The following NEDD4L variants were observed in gnomAD, a reference collection of about 807,000 sequenced individuals.
NEDD4L encodes E3 ubiquitin-protein ligase NEDD4-like.
Under a neutral mutation model 148.9 loss-of-function variants are expected in NEDD4L, and 54 were observed. That is an observed-to-expected ratio of 0.36 (90% confidence interval 0.29 to 0.45). NEDD4L has a LOEUF of 0.45. Ranked by LOEUF, NEDD4L falls within the 20% of genes least tolerant of loss-of-function variation. The probability of loss-of-function intolerance (pLI) is 1.00; values close to 1 mark genes in which losing one functional copy is unlikely to be tolerated. For missense variants in NEDD4L, 856 were observed against 1,233.8 expected (o/e 0.69, Z 4.59); for synonymous variants, 433 against 440.7 (o/e 0.98, Z 0.22).
chr18:58,297,057 A>G (rs1311087997), intron 5 of NEDD4L, among the ~76,000 whole-genome samples: 1 of 152,078 alleles, frequency 6.6e-6, no homozygotes, highest in Non-Finnish European at 1.5e-5. Context: ...ACTGCACTCC[A>G]CCCTATGCAA....
At chr18:58,375,223 C>G (rs2047411652) in intron 24 of NEDD4L, among the ~76,000 whole-genome samples, 1 of 152,128 alleles carries the variant, frequency 6.6e-6, no homozygotes, top group African/African-American at 2.4e-5. Context: ...ACTCCCCTAG[C>G]CCTGCTCCGA....
rs1349563416 is a variant in NEDD4L at position 58,231,074 on chromosome 18, C to T, written c.123-14353C>T. Among the ~76,000 whole-genome samples the T allele has an allele frequency of 2.6e-5, 4 of 151,546 alleles. 1 individual carries two copies. The East Asian group carries it at 7.7e-4, about 29-fold the overall frequency. ...ACCAGCCTGGGCAACATGGGAAAACCCCTGTCTCTACAAAAATTAAAAAAA... is the reference window on the plus strand; with the variant it reads ...ACCAGCCTGGGCAACATGGGAAAACTCCTGTCTCTACAAAAATTAAAAAAA... On this transcript the variant is annotated intron_variant, in intron 2 of 30. Transcript: ENST00000400345.
intron 14 of NEDD4L, 101 bp downstream of exon 14, chr18:58,341,270 C>A (rs944730298): frequency 1.5e-6 from 2 of 1,319,108 alleles, no homozygotes; most frequent in Non-Finnish European, 2.1e-6. Flanking sequence ...CTGAAAGACC[C>A]GTATTTGTAA....
intron 11 of NEDD4L, 89 bp downstream of exon 11, chr18:58,331,003 C>A: frequency 7.6e-7 from 1 of 1,316,540 alleles, no homozygotes; most frequent in Non-Finnish European, 1.1e-6. Flanking sequence ...AAATAGTGAC[C>A]AAGGGTCTTC....
chr18:58,367,741 A>G lies in NEDD4L; in HGVS notation c.2064-5A>G. On this transcript the variant is annotated splice_region_variant and splice_polypyrimidine_tract_variant and intron_variant, in intron 21 of 30. Transcript: ENST00000400345. ...TTGGGCTTTTCTTCTCTTTCTCCTC[A>G]AAAGGGACAACTACACCCTTCAGAT... 6.2e-7 allele frequency: 1 copy of G among 1,613,300 alleles called. No homozygotes were observed.
At chr18:58,204,871 A>G (rs749454836) in intron 2 of NEDD4L, among the ~76,000 whole-genome samples, 6 of 152,254 alleles carry the variant, frequency 3.9e-5, no homozygotes, top group Non-Finnish European at 8.8e-5. Flanking sequence ...GCGAGACAAA[A>G]TGAAACTCTC....
At chr18:58,064,080 T>A (rs1190326809) in intron 1 of NEDD4L, among the ~76,000 whole-genome samples, 2 of 150,580 alleles carry the variant, frequency 1.3e-5, no homozygotes, top group Non-Finnish European at 3.0e-5. Context: ...TTCTCCTGCC[T>A]CAGCCTCTCA....
Position 58,333,813 on chromosome 18 carries a change from T to C in NEDD4L, c.991-5T>C. 1 of 1,612,488 alleles carries C rather than the reference T, an allele frequency of 6.2e-7. No individual in the cohort carries two copies. The highest frequency in any genetic ancestry group is 1.1e-5 in the South Asian group (1 of 91,018). On this transcript the variant is annotated splice_region_variant and splice_polypyrimidine_tract_variant and intron_variant, in intron 11 of 30. Coordinates refer to ENST00000400345, the MANE Select transcript of NEDD4L (RefSeq NM_001144967.3). Reference sequence around the variant, plus strand: ...GATGCTTCCTGTCTTTTCCTCTCCTTCCAGCAAAGAGAACCCTCCTCAAGG... The same window carrying C: ...GATGCTTCCTGTCTTTTCCTCTCCTCCCAGCAAAGAGAACCCTCCTCAAGG...
Position 58,323,337 on chromosome 18 carries a change from A to G in NEDD4L, c.513+3A>G. ...GTGACCAGAGGGATGACATGGAGGT[A>G]CGTGGAGGGCGTCAGGCCTCTCTCC... On this transcript the variant is annotated splice_donor_region_variant and intron_variant, in intron 8 of 30. Coordinates refer to ENST00000400345, the MANE Select transcript of NEDD4L (RefSeq NM_001144967.3). 1 of 1,530,288 alleles carries G rather than the reference A, an allele frequency of 6.5e-7. No homozygotes were observed. The highest frequency in any genetic ancestry group is 9.0e-7 in the Non-Finnish European group (1 of 1,113,470). The allele number at this position is 1,530,288 out of a possible 1,614,324, so 94.8% of individuals were successfully genotyped here. A position where few individuals can be genotyped will look rare whatever the true frequency, so the allele number is the denominator to read the frequency against.
intron 5 of NEDD4L, among the ~76,000 whole-genome samples, chr18:58,305,237 A>G (rs1339632510): frequency 6.6e-6 from 1 of 152,246 alleles, no homozygotes; most frequent in African/African-American, 2.4e-5. Context: ...TTTGCTGATC[A>G]GTGTCACTCC....
At chr18:58,119,234 G>A (rs895783804) in intron 1 of NEDD4L, among the ~76,000 whole-genome samples, 7 of 152,130 alleles carry the variant, frequency 4.6e-5, no homozygotes, top group African/African-American at 1.7e-4. Context: ...CATGGGCCAT[G>A]GAGAGTGGAA....
At chr18:58,219,640 T>C (rs2043523169) in intron 2 of NEDD4L, among the ~76,000 whole-genome samples, 1 of 152,100 alleles carries the variant, frequency 6.6e-6, no homozygotes. Flanking sequence ...TGTGTCCGTG[T>C]CCTAATCTCC....
intron 1 of NEDD4L, among the ~76,000 whole-genome samples, chr18:58,148,112 A>G (rs1268045180): frequency 6.6e-6 from 1 of 151,024 alleles, no homozygotes; most frequent in Non-Finnish European, 1.5e-5. Context: ...AGCTGCCATA[A>G]CAAAATACCC....
In NEDD4L at chr18:58,252,042, C is replaced by T. The variant is rs185602532; in HGVS notation, c.285C>T (p.Asp95=). The change falls in exon 5 of 31, where the codon GAC becomes GAT. Residue 95 remains aspartate (D), a synonymous_variant. Transcript: ENST00000400345. ...SNHRLLFEVF[D]ENRLTRDDFL... ...ACAGACTCCTATTTGAAGTATTTGACGAAAATAGACTGGTAAGTGGATGCC... is the reference window on the plus strand; with the variant it reads ...ACAGACTCCTATTTGAAGTATTTGATGAAAATAGACTGGTAAGTGGATGCC... 3.4e-5 allele frequency: 54 copies of T among 1,591,712 alleles called. No individual in the cohort carries two copies. The highest frequency in any genetic ancestry group is 1.7e-4 in the Admixed American group (10 of 59,950).
intron 5 of NEDD4L, among the ~76,000 whole-genome samples, chr18:58,310,554 T>G (rs902652746): frequency 2.0e-5 from 3 of 152,250 alleles, no homozygotes; most frequent in Non-Finnish European, 2.9e-5. Flanking sequence ...GCAATTCACC[T>G]TGAAAGGCAG....
chr18:58,193,910 C>A (rs543400655), intron 2 of NEDD4L: 2 of 152,414 alleles, frequency 1.3e-5, no homozygotes, highest in Admixed American at 6.5e-5. Flanking sequence ...GAGATGCCTG[C>A]CCCATGGTTT....
At chr18:58,294,956 T>A (rs927425077) in intron 5 of NEDD4L, among the ~76,000 whole-genome samples, 2 of 152,232 alleles carry the variant, frequency 1.3e-5, no homozygotes, top group African/African-American at 4.8e-5. Context: ...TTAAACTGAC[T>A]TTATTTTTTT....
intron 1 of NEDD4L, among the ~76,000 whole-genome samples, chr18:58,082,102 A>ATATATATATATAT: frequency 8.2e-5 from 4 of 48,858 alleles, no homozygotes; most frequent in Admixed American, 6.7e-4. Flanking sequence ...ATATATATAT[A>ATATATATATATAT]TTTTTTTTTT....
intron 1 of NEDD4L, among the ~76,000 whole-genome samples, chr18:58,096,159 G>A (rs1349715104): frequency 6.6e-6 from 1 of 151,796 alleles, no homozygotes; most frequent in Non-Finnish European, 1.5e-5. Flanking sequence ...GTTAGTGTGT[G>A]GCTCTTTTCC....
Sources: gnomAD v4.1 joint callset for allele counts (sites outside exome capture counted in the v4.1 genomes callset) on GRCh38, gnomAD v4.1.1 for gene constraint, MANE v1.5 for transcripts, NCBI Gene and HGNC (gene_info 2026-07-23, HGNC 2026-07-21) for gene names.